Variants in OPCML observed in about 807,000 individuals in gnomAD.
OPCML encodes opioid-binding protein/cell adhesion molecule.
OPCML carries 13 observed loss-of-function variants against 37.8 expected under a neutral mutation model. The ratio of observed to expected loss-of-function variants is 0.34; its 90% confidence interval spans 0.22 to 0.55. OPCML has a LOEUF of 0.55. Ranked by LOEUF, OPCML falls within the 20% of genes least tolerant of loss-of-function variation. The pLI is 0.91. For missense variants in OPCML, 341 were observed against 435.6 expected, an observed-to-expected ratio of 0.78 and a Z score of 1.93; for synonymous variants, 176 against 168.8, an observed-to-expected ratio of 1.04 and a Z score of -0.33.
intron 2 of OPCML, among the ~76,000 whole-genome samples, chr11:132,770,704 C>T (rs1318166875): frequency 2.6e-5 from 4 of 152,084 alleles, no homozygotes; most frequent in Non-Finnish European, 5.9e-5. Flanking sequence ...ACTCTGTGGC[C>T]ATTAGAAACA....
chr11:132,614,617 A>G (rs1267333331), intron 3 of OPCML, among the ~76,000 whole-genome samples: 1 of 152,214 alleles, frequency 6.6e-6, no homozygotes, highest in Non-Finnish European at 1.5e-5. Context: ...TCTTGAAAAC[A>G]TAGGGGAATG....
rs182488807 is a variant in OPCML, at chr11:133,127,842, C to T, written c.62-184832G>A. On this transcript the variant is annotated intron_variant, in intron 1 of 7. Coordinates refer to ENST00000524381, the MANE Select transcript of OPCML (RefSeq NM_001012393.5). ...CTATGCAAGCATCAAGGAGGGGCAC[C>T]TCATATGGACATAAGAGATAAATGA... Among the ~76,000 whole-genome samples the T allele has an allele frequency of 1.6e-4, 24 of 152,058 alleles. No homozygotes were observed. The East Asian group carries it at 3.7e-3, about 23-fold the overall frequency.
intron 1 of OPCML, among the ~76,000 whole-genome samples, chr11:133,307,105 C>T (rs1172369122): frequency 2.6e-5 from 4 of 152,130 alleles, no homozygotes; most frequent in Middle Eastern, 3.2e-3. Context: ...TGTTCCTCCC[C>T]TCCTTCCCTC....
At chr11:132,665,304 G>C (rs1374243323) in intron 2 of OPCML, among the ~76,000 whole-genome samples, 1 of 152,190 alleles carries the variant, frequency 6.6e-6, no homozygotes, top group Non-Finnish European at 1.5e-5. Flanking sequence ...TCTGATGATA[G>C]ATGAGTCCAC....
At chr11:133,194,237 T>G (rs530329104) in intron 1 of OPCML, among the ~76,000 whole-genome samples, 6 of 142,922 alleles carry the variant, frequency 4.2e-5, no homozygotes, top group South Asian at 4.5e-4. Context: ...GAGATGGAGT[T>G]TCACTCTGGT....
At chr11:132,765,059 C>T (rs890265310) in intron 2 of OPCML, among the ~76,000 whole-genome samples, 1 of 151,766 alleles carries the variant, frequency 6.6e-6, no homozygotes, top group Non-Finnish European at 1.5e-5. Context: ...AGCTAGCGTT[C>T]GTTTTGCTGA....
chr11:133,141,237 G>C (rs928335452), intron 1 of OPCML, among the ~76,000 whole-genome samples: 1 of 151,866 alleles, frequency 6.6e-6, no homozygotes, highest in Non-Finnish European at 1.5e-5. Flanking sequence ...CCGGGCTCTC[G>C]CATGAGGCCT....
intron 1 of OPCML, among the ~76,000 whole-genome samples, chr11:133,469,733 C>T (rs1301141156): frequency 6.6e-6 from 1 of 152,194 alleles, no homozygotes; most frequent in South Asian, 2.1e-4. Flanking sequence ...ATCTCCAACA[C>T]AGAAGTTCTC....
chr11:132,898,214 C>T (rs1056379703), intron 2 of OPCML, among the ~76,000 whole-genome samples: 1 of 152,200 alleles, frequency 6.6e-6, no homozygotes. Context: ...AATCAGCCAG[C>T]TACGTGGTGG....
At chr11:133,303,164 C>T (rs1203450536) in intron 1 of OPCML, among the ~76,000 whole-genome samples, 3 of 152,200 alleles carry the variant, frequency 2.0e-5, no homozygotes, top group Non-Finnish European at 4.4e-5. Flanking sequence ...AAAGTAAATA[C>T]ACTGACGTAT....
intron 1 of OPCML, chr11:133,007,165 T>C (rs745894781): frequency 1.0e-6 from 1 of 985,350 alleles, no homozygotes; most frequent in Non-Finnish European, 1.2e-6. Context: ...GCCCACAGAT[T>C]GTGGCCTTGG....
chr11:133,036,643 C>T (rs912291224), intron 1 of OPCML, among the ~76,000 whole-genome samples: 2 of 152,148 alleles, frequency 1.3e-5, no homozygotes, highest in African/African-American at 2.4e-5. Context: ...TTCTATAGAG[C>T]ATATGAAGCT....
intron 7 of OPCML, chr11:132,435,095 G>T: frequency 1.1e-6 from 1 of 935,196 alleles, no homozygotes; most frequent in Non-Finnish European, 1.5e-6. Flanking sequence ...CTTTGAAGTA[G>T]GCTAAAACTC....
At position 132,912,301 on chromosome 11, in the gene OPCML, T is replaced by G. The variant is rs369410791; in HGVS notation, c.146+30625A>C. Among the ~76,000 whole-genome samples the G allele has an allele frequency of 2.0e-5, 3 of 152,292 alleles. No individual in the cohort carries two copies. The East Asian group carries it at 5.8e-4, about 29-fold the overall frequency. ...TTTATATAGTATAGTACGTTGCAAA[T>G]TCAATAGGTGACCAAGATAGTTTTG... On this transcript the variant is annotated intron_variant, in intron 2 of 7. Transcript: ENST00000524381.
chr11:133,366,631 T>G (rs983023561), intron 1 of OPCML, among the ~76,000 whole-genome samples: 39 of 152,126 alleles, frequency 2.6e-4, no homozygotes. Context: ...TGCAGAAATG[T>G]CACACTGAGG....
At chr11:133,478,578 T>C (rs1227886313) in intron 1 of OPCML, among the ~76,000 whole-genome samples, 2 of 152,224 alleles carry the variant, frequency 1.3e-5, no homozygotes, top group Non-Finnish European at 2.9e-5. Flanking sequence ...TTGATCGGTT[T>C]CTTTCAAGCC....
chr11:133,488,951 G>A (rs1434034850), intron 1 of OPCML, among the ~76,000 whole-genome samples: 1 of 127,934 alleles, frequency 7.8e-6, no homozygotes, highest in African/African-American at 3.1e-5. Context: ...GCTGGTTTTT[G>A]ACAGGATCAA....
At chr11:132,778,127 G>A (rs1000557652) in intron 2 of OPCML, among the ~76,000 whole-genome samples, 1 of 152,192 alleles carries the variant, frequency 6.6e-6, no homozygotes, top group Non-Finnish European at 1.5e-5. Flanking sequence ...TTAGATAAAC[G>A]AGGGAGCAAA....
chr11:132,941,801 T>C (rs1163839141), intron 2 of OPCML, among the ~76,000 whole-genome samples: 1 of 152,194 alleles, frequency 6.6e-6, no homozygotes, highest in African/African-American at 2.4e-5. Context: ...TCTTCACCCT[T>C]GGGCTTAGAA....
Sources: gnomAD v4.1 joint callset for allele counts (sites outside exome capture counted in the v4.1 genomes callset) on GRCh38, gnomAD v4.1.1 for gene constraint, MANE v1.5 for transcripts, NCBI Gene and HGNC (gene_info 2026-07-23, HGNC 2026-07-21) for gene names.